The following CD2AP variants were observed in gnomAD, a reference collection of about 807,000 sequenced individuals.
CD2AP encodes the protein CD2-associated protein.
Under a neutral mutation model 85.1 loss-of-function variants are expected in CD2AP, and 46 were observed. The observed-to-expected ratio is 0.54, with a 90% confidence interval of 0.43 to 0.69. The LOEUF (loss-of-function observed/expected upper bound fraction) is 0.69, where lower values mean the gene tolerates loss of function less well. Among genes scored for constraint, CD2AP ranks in the 30% least tolerant of loss-of-function variants. The pLI, the probability that CD2AP is intolerant of heterozygous loss-of-function variation, is 0.00. For missense variants in CD2AP, 769 were observed against 729.5 expected (o/e 1.05, Z -0.62); for synonymous variants, 255 against 252.9 (o/e 1.01, Z -0.08).
intron 2 of CD2AP, among the ~76,000 whole-genome samples, chr6:47,507,533 G>A (rs879297184): frequency 5.3e-5 from 8 of 152,096 alleles, no homozygotes; most frequent in Non-Finnish European, 1.0e-4. Context: ...AGGTTCAAGC[G>A]ATTCTCCTCG....
intron 16 of CD2AP, among the ~76,000 whole-genome samples, 200 bp from the exon 17 acceptor site, chr6:47,612,273 T>A (rs1328749391): frequency 6.6e-6 from 1 of 152,138 alleles, no homozygotes. Context: ...CTCAGATTTG[T>A]CTTGGTTTTG....
At chr6:47,605,771 A>G (rs1250534589) in intron 13 of CD2AP, among the ~76,000 whole-genome samples, 2 of 151,970 alleles carry the variant, frequency 1.3e-5, no homozygotes, top group Non-Finnish European at 2.9e-5. Context: ...TTACATGCTG[A>G]TTTTCCGAGA....
chr6:47,553,052 A>G (rs1319818536), intron 4 of CD2AP, among the ~76,000 whole-genome samples: 1 of 151,202 alleles, frequency 6.6e-6, no homozygotes, highest in East Asian at 1.9e-4. Context: ...TTCATATGTT[A>G]GTTATAGTAC....
In CD2AP at chr6:47,575,273, G is replaced by A. The variant is rs186691353; in HGVS notation, c.729+1022G>A. Among the ~76,000 whole-genome samples, 4 of 152,228 alleles carry A rather than the reference G, an allele frequency of 2.6e-5. 1 individual carries two copies. The highest frequency in any genetic ancestry group is 2.6e-4 in the Admixed American group (4 of 15,302). On this transcript the variant is annotated intron_variant, in intron 6 of 17. Transcript: ENST00000359314. ...TAGCCATGTAACAGCTAGGAATGTT[G>A]GACAAGCAATTCTTGGCATTGTGAT... is the stretch of plus-strand genomic sequence containing the variant.
intron 1 of CD2AP, chr6:47,488,966 C>G (rs1765649419): frequency 6.6e-6 from 1 of 152,126 alleles, no homozygotes; most frequent in South Asian, 2.1e-4. Context: ...CATGGAGAAA[C>G]TCAAGTGATT....
intron 1 of CD2AP, among the ~76,000 whole-genome samples, chr6:47,486,880 T>C (rs558512791): frequency 5.1e-4 from 77 of 152,324 alleles, no homozygotes; most frequent in Middle Eastern, 3.4e-3. Flanking sequence ...TGAGACTACA[T>C]AGTCTTGGTT....
In CD2AP at chr6:47,527,943, A is replaced by G. The variant is rs184360895; in HGVS notation, c.166-5659A>G. On this transcript the variant is annotated intron_variant, in intron 2 of 17. Coordinates refer to ENST00000359314, the MANE Select transcript of CD2AP (RefSeq NM_012120.3). The stretch of plus-strand genomic sequence containing the variant: ...TTTTGGTTCATACCTGTAAATATAT[A>G]TTTGTGTCATATTGTTGGCTAAGAA... Among the ~76,000 whole-genome samples the G allele has an allele frequency of 3.7e-4, 56 of 152,256 alleles. No homozygotes were observed. The East Asian group carries it at 8.9e-3, about 24-fold the overall frequency.
chr6:47,567,900 G>A (rs1453965464), intron 5 of CD2AP, among the ~76,000 whole-genome samples: 1 of 152,200 alleles, frequency 6.6e-6, no homozygotes, highest in Admixed American at 6.5e-5. Flanking sequence ...TGGCAGTATG[G>A]AGAGTGAATT....
intron 8 of CD2AP, among the ~76,000 whole-genome samples, chr6:47,578,154 G>T (rs1359381334): frequency 6.6e-6 from 1 of 151,916 alleles, no homozygotes. Flanking sequence ...TCATGCAAGG[G>T]TGGTGGGTAT....
At chr6:47,486,052 C>A (rs536949897) in intron 1 of CD2AP, among the ~76,000 whole-genome samples, 1 of 152,190 alleles carries the variant, frequency 6.6e-6, no homozygotes, top group South Asian at 2.1e-4. Context: ...ACAGTTAACA[C>A]CAATATTAAG....
intron 4 of CD2AP, among the ~76,000 whole-genome samples, chr6:47,548,807 A>G (rs1438676926): frequency 2.0e-5 from 3 of 152,154 alleles, no homozygotes; most frequent in Admixed American, 6.5e-5. Flanking sequence ...ATCCTAAACA[A>G]AGTACTAGCT....
intron 11 of CD2AP, among the ~76,000 whole-genome samples, chr6:47,595,392 A>AT (rs984475185): frequency 5.3e-5 from 8 of 150,726 alleles, no homozygotes; most frequent in Admixed American, 2.7e-4. Flanking sequence ...TTAACATTTG[A>AT]TTTTTTTTTC....
chr6:47,544,618 G>A lies in CD2AP; in HGVS notation c.332G>A (p.Arg111His), dbSNP rs192679464. 7.7e-5 allele frequency: 124 copies of A among 1,604,914 alleles called. No individual in the cohort carries two copies. The highest frequency in any genetic ancestry group is 7.6e-4 in the African/African-American group (57 of 74,698). Reference protein sequence around the residue: ...TKNIKKKTKKRQCKVLFEYIP... With the variant: ...TKNIKKKTKKHQCKVLFEYIP... ...TTACTTTCTTTAGAGACCAAGAAGCGTCAGTGTAAAGTTCTTTTTGAGTAC... is the reference window on the plus strand; with the variant it reads ...TTACTTTCTTTAGAGACCAAGAAGCATCAGTGTAAAGTTCTTTTTGAGTAC... The change falls in exon 4 of 18, where the codon CGT (arginine) becomes CAT (histidine). Residue 111 changes from arginine to histidine, a missense_variant. Physicochemically the swap from Arg to His is conservative, Grantham distance 29. Coordinates refer to ENST00000359314, the MANE Select transcript of CD2AP (RefSeq NM_012120.3).
At chr6:47,529,855 G>A (rs575890686) in intron 2 of CD2AP, among the ~76,000 whole-genome samples, 6 of 152,268 alleles carry the variant, frequency 3.9e-5, no homozygotes, top group Non-Finnish European at 7.4e-5. Context: ...TATATCAGCC[G>A]TCTGCTCGCC....
chr6:47,602,493 A>G (rs1416477411), intron 13 of CD2AP, among the ~76,000 whole-genome samples: 1 of 152,026 alleles, frequency 6.6e-6, no homozygotes, highest in Non-Finnish European at 1.5e-5. Context: ...AAGATAGAAA[A>G]TTTTATAGTA....
At position 47,543,437 on chromosome 6, in the gene CD2AP, A is replaced by G. The variant is rs1260706513; in HGVS notation, c.320-1169A>G. Among the ~76,000 whole-genome samples the G allele has an allele frequency of 3.3e-5, 5 of 152,174 alleles. No individual in the cohort carries two copies. In the East Asian group the frequency reaches 9.6e-4, roughly 29 times the overall value. ...ACTCTGATTCAAAATTCAGTCTGCT[A>G]GGGCTACCATAACAAAATACCACAG... On this transcript the variant is annotated intron_variant, in intron 3 of 17. Transcript: ENST00000359314.
At chr6:47,576,872 A>C (rs1357094763) in intron 7 of CD2AP, 137 bp from the exon 8 acceptor site, 2 of 667,430 alleles carry the variant, frequency 3.0e-6, no homozygotes, top group Non-Finnish European at 5.4e-6. Context: ...TATTGACTAT[A>C]AGTATTTTAA....
intron 1 of CD2AP, among the ~76,000 whole-genome samples, chr6:47,479,284 G>C (rs1406594514): frequency 1.3e-5 from 2 of 152,182 alleles, no homozygotes; most frequent in East Asian, 1.9e-4. Context: ...AACGATCACC[G>C]AAATGAATAA....
chr6:47,503,209 A>G, intron 1 of CD2AP, 71 bp from the exon 2 acceptor site: 1 of 1,386,848 alleles, frequency 7.2e-7, no homozygotes, highest in South Asian at 1.2e-5. Context: ...CTTAGTTTTA[A>G]ATTTATTAAT....
Sources: allele counts gnomAD v4.1 joint callset (sites outside exome capture counted in the v4.1 genomes callset), GRCh38; gene constraint gnomAD v4.1.1; transcripts MANE v1.5; gene names NCBI Gene and HGNC (gene_info 2026-07-23, HGNC 2026-07-21).